Variants in KLHDC10 observed in about 807,000 individuals in gnomAD.
KLHDC10 encodes the protein kelch domain-containing protein 10.
KLHDC10 carries 24 observed loss-of-function variants against 56.1 expected under a neutral mutation model. The ratio of observed to expected loss-of-function variants is 0.43; its 90% CI spans 0.31 to 0.60. The LOEUF is 0.60. Among genes scored for constraint, KLHDC10 ranks in the 20% least tolerant of loss-of-function variants. The pLI is 0.11. For synonymous variants in KLHDC10, 188 were observed against 207.1 expected, an observed-to-expected ratio of 0.91 and a Z score of 0.79; for missense variants, 349 against 567.0, an observed-to-expected ratio of 0.62 and a Z score of 3.91.
intron 5 of KLHDC10, 63 bp downstream of exon 5, chr7:130,122,265 G>T: frequency 6.6e-7 from 1 of 1,505,736 alleles, no homozygotes; most frequent in Non-Finnish European, 9.0e-7. Flanking sequence ...CTTTCAGAGT[G>T]TTGGCAATAT....
intron 1 of KLHDC10, among the ~76,000 whole-genome samples, chr7:130,078,810 G>A (rs534710432): frequency 2.6e-5 from 4 of 152,294 alleles, no homozygotes; most frequent in East Asian, 3.9e-4. Context: ...GAGCCACCGC[G>A]CCTGGCCCCT....
intron 3 of KLHDC10, among the ~76,000 whole-genome samples, chr7:130,118,875 G>A (rs541375999): frequency 3.9e-5 from 6 of 152,236 alleles, no homozygotes; most frequent in East Asian, 1.9e-4. Context: ...TTATATGGGC[G>A]TGGTTCATGG....
At chr7:130,104,272 T>C (rs1270631471) in intron 2 of KLHDC10, among the ~76,000 whole-genome samples, 1 of 152,116 alleles carries the variant, frequency 6.6e-6, no homozygotes, top group Non-Finnish European at 1.5e-5. Context: ...ATAAATAGAC[T>C]TGTGCAGTTC....
At chr7:130,085,385 A>G (rs1282733678) in intron 1 of KLHDC10, among the ~76,000 whole-genome samples, 2 of 151,836 alleles carry the variant, frequency 1.3e-5, no homozygotes, top group African/African-American at 2.4e-5. Flanking sequence ...AGACTATATA[A>G]CTCTTGAAAG....
chr7:130,130,463 C>G lies in KLHDC10; in HGVS notation c.1120-74C>G. 8.4e-7 allele frequency: 1 copy of G among 1,190,240 alleles called. No homozygotes were observed. Among genetic ancestry groups the G allele is most frequent in the Non-Finnish European group, 1.3e-6 (1 of 799,640 alleles). The allele number at this position is 1,190,240 out of a possible 1,614,324, so 73.7% of individuals were successfully genotyped here. ...TTTCATTTTGATTCCATCTACTATGCTTTTTCCCCACTGAGTCTTCAGCCT... is the reference window on the plus strand; with the variant it reads ...TTTCATTTTGATTCCATCTACTATGGTTTTTCCCCACTGAGTCTTCAGCCT... On this transcript the variant is annotated intron_variant, in intron 9 of 9. Coordinates refer to ENST00000335420, the MANE Select transcript of KLHDC10 (RefSeq NM_014997.4). This position sits in a 1 kb window ranked among gnomAD's most constrained non-coding sequence, Gnocchi z 4.2.
At chr7:130,072,258 A>T (rs1310699411) in intron 1 of KLHDC10, among the ~76,000 whole-genome samples, 7 of 152,184 alleles carry the variant, frequency 4.6e-5, no homozygotes. Context: ...TCACGGATTA[A>T]TTATACCATG....
intron 2 of KLHDC10, 49 bp downstream of exon 2, chr7:130,097,056 A>G (rs751037417): frequency 2.4e-6 from 3 of 1,251,374 alleles, no homozygotes; most frequent in Non-Finnish European, 3.3e-6. Context: ...GTTAAAGGGA[A>G]CTTTGAATGA....
intron 2 of KLHDC10, among the ~76,000 whole-genome samples, chr7:130,105,583 T>C (rs777681121): frequency 6.6e-6 from 1 of 152,156 alleles, no homozygotes; most frequent in Non-Finnish European, 1.5e-5. Context: ...ACAGTATTGT[T>C]TAGAGATGCA....
At chr7:130,078,769 C>T (rs772173942) in intron 1 of KLHDC10, among the ~76,000 whole-genome samples, 4 of 152,232 alleles carry the variant, frequency 2.6e-5, no homozygotes, top group Middle Eastern at 3.2e-3. Flanking sequence ...CCACCCTCCT[C>T]GGCCTCCCGA....
intron 5 of KLHDC10, 101 bp from the exon 6 acceptor site, chr7:130,124,350 C>T (rs1458754718): frequency 2.9e-6 from 2 of 682,962 alleles, no homozygotes; most frequent in Non-Finnish European, 5.1e-6. Context: ...TTTCCAATAA[C>T]TTATTGTTAT....
At chr7:130,071,786 T>TCAAAA (rs1327668855) in intron 1 of KLHDC10, among the ~76,000 whole-genome samples, 156 of 152,350 alleles carry the variant, frequency 1.0e-3, no homozygotes, top group Admixed American at 3.7e-3. Flanking sequence ...GTGATATATT[T>TCAAAA]GTTTAGCTGA....
chr7:130,115,584 G>A (rs1796155679), intron 2 of KLHDC10, among the ~76,000 whole-genome samples: 2 of 151,564 alleles, frequency 1.3e-5, no homozygotes, highest in Admixed American at 6.6e-5. Context: ...GCATGGTGGC[G>A]GGCACCTATA....
intron 2 of KLHDC10, among the ~76,000 whole-genome samples, chr7:130,100,316 A>G (rs1423618008): frequency 6.6e-6 from 1 of 151,966 alleles, no homozygotes; most frequent in Non-Finnish European, 1.5e-5. Context: ...TTCTGATGGC[A>G]CCCTCCGTGT....
Position 130,120,206 on chromosome 7 carries a change from A to G in KLHDC10, c.476-543A>G, listed in dbSNP as rs1796230370. Among the ~76,000 whole-genome samples, 1 of 152,210 alleles carries G rather than the reference A, an allele frequency of 6.6e-6. No individual in the cohort carries two copies. On this transcript the variant is annotated intron_variant, in intron 3 of 9. Transcript: ENST00000335420. The surrounding 1 kb of genome is among the most constrained non-coding windows in gnomAD (Gnocchi z 5.1). ...TTTCTCTGCTTTGCTGCATGCTTGA[A>G]CTGTCTTCAGCAGCAGTGGTATACT... is the stretch of plus-strand genomic sequence containing the variant.
intron 2 of KLHDC10, among the ~76,000 whole-genome samples, chr7:130,111,658 CT>C (rs1207183500): frequency 6.6e-6 from 1 of 152,078 alleles, no homozygotes; most frequent in African/African-American, 2.4e-5. Flanking sequence ...CTGCAGTGCG[CT>C]GTGATTATGC....
At chr7:130,078,417 G>A (rs563251599) in intron 1 of KLHDC10, among the ~76,000 whole-genome samples, 3 of 152,192 alleles carry the variant, frequency 2.0e-5, no homozygotes, top group South Asian at 4.1e-4. Context: ...TAGAGATGGA[G>A]TCTTGCTATG....
intron 1 of KLHDC10, among the ~76,000 whole-genome samples, chr7:130,090,132 T>C (rs1017347625): frequency 2.0e-5 from 3 of 152,144 alleles, no homozygotes; most frequent in Non-Finnish European, 4.4e-5. Context: ...CTGCCCGCCT[T>C]GGCCTAATAG....
chr7:130,081,119 C>T (rs1447114134), intron 1 of KLHDC10, among the ~76,000 whole-genome samples: 1 of 150,548 alleles, frequency 6.6e-6, no homozygotes, highest in Admixed American at 6.6e-5. Context: ...CTGCCTCAGC[C>T]TCCTGAGTAG....
At chr7:130,097,065 G>T in intron 2 of KLHDC10, 58 bp downstream of exon 2, 1 of 1,181,956 alleles carries the variant, frequency 8.5e-7, no homozygotes, top group South Asian at 1.7e-5. Context: ...AACTTTGAAT[G>T]AATTTTCTAA....
Sources: gnomAD v4.1 joint callset for allele counts (sites outside exome capture counted in the v4.1 genomes callset) on GRCh38, gnomAD v4.1.1 for gene constraint, Gnocchi (gnomAD v3.1) non-coding constraint, MANE v1.5 for transcripts, NCBI Gene and HGNC (gene_info 2026-07-23, HGNC 2026-07-21) for gene names.